DOK6: variants seen among roughly 807,000 people sequenced by gnomAD.
DOK6 encodes the protein downstream of tyrosine kinase 6.
A neutral mutation model predicts 44.0 loss-of-function variants in DOK6; 22 were observed. The ratio of observed to expected loss-of-function variants is 0.50; its 90% CI spans 0.36 to 0.71. The LOEUF (loss-of-function observed/expected upper bound fraction) is 0.71. Ranked by LOEUF, DOK6 falls within the 30% of genes least tolerant of loss-of-function variation. The pLI, the probability that DOK6 is intolerant of heterozygous loss-of-function variation, is 0.00. For missense variants in DOK6, 340 were observed against 416.4 expected (o/e 0.82, Z 1.60); for synonymous variants, 166 against 145.5 (o/e 1.14, Z -1.01).
intron 1 of DOK6, among the ~76,000 whole-genome samples, chr18:69,492,437 T>C (rs8089973): frequency 0.77 from 116,691 of 151,750 alleles, 44,987 homozygotes; most frequent in Non-Finnish European, 0.79. Context: ...TTTTTCTAAC[T>C]TTCACTTTAG....
At chr18:69,407,371 A>T (rs914548367) in intron 1 of DOK6, among the ~76,000 whole-genome samples, 1 of 152,218 alleles carries the variant, frequency 6.6e-6, no homozygotes, top group African/African-American at 2.4e-5. Context: ...TTTGAGGAAG[A>T]CATAATTTCT....
chr18:69,514,464 T>C (rs1981459808), intron 1 of DOK6, among the ~76,000 whole-genome samples: 1 of 152,182 alleles, frequency 6.6e-6, no homozygotes, highest in African/African-American at 2.4e-5. Flanking sequence ...TTGTAAAATA[T>C]TGTTTAAAAG....
At chr18:69,824,378 C>T (rs1239717551) in intron 7 of DOK6, among the ~76,000 whole-genome samples, 3 of 151,944 alleles carry the variant, frequency 2.0e-5, no homozygotes, top group Non-Finnish European at 4.4e-5. Flanking sequence ...GGGTCTCACT[C>T]TGTTGCCCAG....
chr18:69,447,710 C>T (rs1054859157), intron 1 of DOK6, among the ~76,000 whole-genome samples: 11 of 152,104 alleles, frequency 7.2e-5, no homozygotes, highest in African/African-American at 2.4e-4. Flanking sequence ...AAGGTGAGCC[C>T]GTGATGAAAG....
intron 1 of DOK6, among the ~76,000 whole-genome samples, chr18:69,467,366 C>T (rs974919811): frequency 2.0e-5 from 3 of 151,920 alleles, no homozygotes; most frequent in Non-Finnish European, 4.4e-5. Flanking sequence ...ATAAAAAATT[C>T]AACAGTGAAC....
intron 3 of DOK6, among the ~76,000 whole-genome samples, chr18:69,615,157 G>A (rs1045986458): frequency 6.6e-6 from 1 of 152,092 alleles, no homozygotes; most frequent in Non-Finnish European, 1.5e-5. Context: ...CCAAATAATA[G>A]CTGGTATGTA....
chr18:69,848,443 T>C lies in DOK6; in HGVS notation c.*7060T>C, dbSNP rs1015683805. On this transcript the variant is annotated 3_prime_UTR_variant, in exon 8 of 8. Coordinates refer to ENST00000382713, the MANE Select transcript of DOK6 (RefSeq NM_152721.6). The stretch of plus-strand genomic sequence containing the variant: ...GTAACAATCTATTCTAGATAAATGA[T>C]AATTTGGGGACATCTGTACTTAAAA... The C allele has an allele frequency of 3.9e-5, 6 of 152,184 alleles. No homozygotes were observed. Among genetic ancestry groups the C allele is most frequent in the Admixed American group, 2.6e-4 (4 of 15,278 alleles). The allele number at this position is 152,184 out of a possible 1,614,324, so 9.4% of individuals were successfully genotyped here. A position where few individuals can be genotyped will look rare whatever the true frequency, so the allele number is the denominator to read the frequency against.
chr18:69,819,150 A>G (rs1292198189), intron 7 of DOK6, among the ~76,000 whole-genome samples: 2 of 152,110 alleles, frequency 1.3e-5, no homozygotes, highest in Admixed American at 6.6e-5. Flanking sequence ...CTCTTTTTCT[A>G]TTGTGGAGTT....
chr18:69,839,699 A>T (rs1405998372), intron 7 of DOK6, among the ~76,000 whole-genome samples: 1 of 152,174 alleles, frequency 6.6e-6, no homozygotes, highest in East Asian at 1.9e-4. Flanking sequence ...GGCGAGGAGG[A>T]GTGCGGGGCA....
chr18:69,777,672 T>A (rs567779710), intron 7 of DOK6, among the ~76,000 whole-genome samples: 1 of 147,250 alleles, frequency 6.8e-6, no homozygotes, highest in African/African-American at 2.5e-5. Flanking sequence ...TCCTTCCCAA[T>A]CTCCCACCTC....
chr18:69,841,091 T>A (rs1335039868), intron 7 of DOK6, among the ~76,000 whole-genome samples, 153 bp from the exon 8 acceptor site: 1 of 152,212 alleles, frequency 6.6e-6, no homozygotes, highest in Non-Finnish European at 1.5e-5. Context: ...TTTACCAACT[T>A]ATCTTGAGCT....
intron 5 of DOK6, among the ~76,000 whole-genome samples, chr18:69,722,118 A>T (rs1978289465): frequency 6.6e-6 from 1 of 152,172 alleles, no homozygotes; most frequent in South Asian, 2.1e-4. Context: ...TTATAAAATG[A>T]AATCATATGT....
chr18:69,484,686 A>G (rs1190903977), intron 1 of DOK6, among the ~76,000 whole-genome samples: 2 of 152,124 alleles, frequency 1.3e-5, no homozygotes, highest in African/African-American at 4.8e-5. Flanking sequence ...TTCTTGATTC[A>G]TTAACATTGA....
chr18:69,657,125 T>C (rs1474615640), intron 3 of DOK6, among the ~76,000 whole-genome samples: 2 of 152,206 alleles, frequency 1.3e-5, no homozygotes, highest in African/African-American at 4.8e-5. Flanking sequence ...AAAACCTAGT[T>C]ATATACTTTT....
At position 69,685,213 on chromosome 18, in the gene DOK6, G is replaced by A. The variant is rs1986125698; in HGVS notation, c.409+7360G>A. Among the ~76,000 whole-genome samples the A allele has an allele frequency of 2.0e-5, 3 of 152,122 alleles. 1 individual carries two copies. Among genetic ancestry groups the A allele is most frequent in the Middle Eastern group, 6.8e-3 (2 of 294 alleles). Reference sequence around the variant, plus strand: ...GGATTTCATTTTTTGGTATACGTAAGTTTCGATTATCCATTTTTTTTTCCT... The same window carrying A: ...GGATTTCATTTTTTGGTATACGTAAATTTCGATTATCCATTTTTTTTTCCT... On this transcript the variant is annotated intron_variant, in intron 4 of 7. Transcript: ENST00000382713.
At chr18:69,730,203 G>C (rs968527873) in intron 5 of DOK6, among the ~76,000 whole-genome samples, 4 of 152,250 alleles carry the variant, frequency 2.6e-5, no homozygotes, top group African/African-American at 4.8e-5. Flanking sequence ...CCACCACCCT[G>C]TCTCAAACAC....
chr18:69,783,036 G>T (rs751963346), intron 7 of DOK6, among the ~76,000 whole-genome samples: 10 of 152,146 alleles, frequency 6.6e-5, no homozygotes, highest in Non-Finnish European at 1.5e-4. Flanking sequence ...TATTTCGTTT[G>T]CTTGATCAGA....
chr18:69,751,501 T>C (rs923717888), intron 6 of DOK6, among the ~76,000 whole-genome samples: 1 of 152,146 alleles, frequency 6.6e-6, no homozygotes, highest in Non-Finnish European at 1.5e-5. Flanking sequence ...CAAATATATA[T>C]AGAGCAGGAA....
intron 1 of DOK6, among the ~76,000 whole-genome samples, chr18:69,455,000 G>C (rs1979585442): frequency 6.8e-6 from 1 of 147,826 alleles, no homozygotes; most frequent in Non-Finnish European, 1.5e-5. Flanking sequence ...CATGGCACAT[G>C]TATACATATG....
Sources: allele counts gnomAD v4.1 joint callset (sites outside exome capture counted in the v4.1 genomes callset), GRCh38; gene constraint gnomAD v4.1.1; transcripts MANE v1.5; gene names NCBI Gene and HGNC (gene_info 2026-07-23, HGNC 2026-07-21).